Variants in MSRA observed in about 807,000 individuals in gnomAD.
The protein encoded by MSRA is methionine sulfoxide reductase A, also known as mitochondrial peptide methionine sulfoxide reductase.
A neutral mutation model predicts 31.3 loss-of-function variants in MSRA; 54 were observed. That is an observed-to-expected ratio of 1.73 (90% CI 1.39 to 2.17). The LOEUF (loss-of-function observed/expected upper bound fraction) is 2.17. MSRA is among the 30% of genes most tolerant of loss of function. The probability of loss-of-function intolerance (pLI) is 0.00; values close to 1 mark genes in which losing one functional copy is unlikely to be tolerated. For missense variants in MSRA, 507 were observed against 300.9 expected, an observed-to-expected ratio of 1.69 and a Z score of -5.07; for synonymous variants, 169 against 116.5, an observed-to-expected ratio of 1.45 and a Z score of -2.90.
intron 1 of MSRA, among the ~76,000 whole-genome samples, chr8:10,121,207 TGAGG>T (rs1417412975): frequency 2.0e-5 from 3 of 151,942 alleles, no homozygotes; most frequent in Admixed American, 2.0e-4. Flanking sequence ...AATTTTTCTG[TGAGG>T]GAGGAATGAG....
chr8:10,424,267 C>T (rs1484650567), intron 5 of MSRA, among the ~76,000 whole-genome samples: 2 of 152,010 alleles, frequency 1.3e-5, no homozygotes, highest in Non-Finnish European at 2.9e-5. Flanking sequence ...GAAAATAGTG[C>T]GCAGAGGGGA....
intron 3 of MSRA, among the ~76,000 whole-genome samples, chr8:10,268,810 T>A (rs1006862488): frequency 1.3e-5 from 2 of 152,266 alleles, no homozygotes; most frequent in African/African-American, 4.8e-5. Flanking sequence ...TCCACACACC[T>A]GGAGGAGCTA....
At chr8:10,054,689 G>C in intron 1 of MSRA, 31 bp downstream of exon 1, 1 of 1,485,426 alleles carries the variant, frequency 6.7e-7, no homozygotes, top group East Asian at 2.8e-5. Context: ...AGGCGCGGGC[G>C]GCGACGCTGC....
At chr8:10,108,256 C>T (rs556971099) in intron 1 of MSRA, among the ~76,000 whole-genome samples, 6 of 152,316 alleles carry the variant, frequency 3.9e-5, no homozygotes, top group African/African-American at 1.4e-4. Context: ...CCCATTGGTT[C>T]CATTTTCACT....
chr8:10,383,218 G>C (rs893556324), intron 5 of MSRA, among the ~76,000 whole-genome samples: 2 of 152,064 alleles, frequency 1.3e-5, no homozygotes, highest in African/African-American at 2.4e-5. Flanking sequence ...GCAATGTGCA[G>C]GCTTCCACAG....
At chr8:10,271,580 A>G (rs1418221536) in intron 3 of MSRA, among the ~76,000 whole-genome samples, 1 of 15,124 alleles carries the variant, frequency 6.6e-5, no homozygotes, top group Non-Finnish European at 1.7e-4. Context: ...CCGTAAATTC[A>G]ATTAAAAATT....
intron 3 of MSRA, among the ~76,000 whole-genome samples, chr8:10,247,090 G>A (rs755432909): frequency 3.3e-5 from 5 of 152,182 alleles, no homozygotes; most frequent in Middle Eastern, 3.2e-3. Flanking sequence ...TTGTTTGCTC[G>A]AACCCTTTTC....
chr8:10,108,571 G>A (rs1321789572), intron 1 of MSRA, among the ~76,000 whole-genome samples: 2 of 152,172 alleles, frequency 1.3e-5, no homozygotes, highest in Admixed American at 6.5e-5. Flanking sequence ...TTAAGGCACT[G>A]TCATATTATT....
At chr8:10,366,579 G>T (rs1259894885) in intron 5 of MSRA, among the ~76,000 whole-genome samples, 1 of 152,188 alleles carries the variant, frequency 6.6e-6, no homozygotes, top group African/African-American at 2.4e-5. Context: ...TTGGTTTTTG[G>T]CCAGAGAGTG....
intron 1 of MSRA, among the ~76,000 whole-genome samples, chr8:10,183,632 G>T (rs1806744085): frequency 6.6e-6 from 1 of 152,120 alleles, no homozygotes; most frequent in African/African-American, 2.4e-5. Flanking sequence ...CTGATCTCTG[G>T]CTAGGTTATT....
intron 2 of MSRA, among the ~76,000 whole-genome samples, chr8:10,211,677 C>G (rs966317438): frequency 2.6e-5 from 4 of 152,102 alleles, no homozygotes; most frequent in African/African-American, 9.7e-5. Flanking sequence ...CTGAGGCACC[C>G]AGAGATTAAA....
intron 3 of MSRA, among the ~76,000 whole-genome samples, chr8:10,276,835 C>T (rs1799346969): frequency 6.6e-6 from 1 of 151,122 alleles, no homozygotes; most frequent in Admixed American, 6.6e-5. Context: ...ACCCCACCTC[C>T]CCGAGGTCTA....
chr8:10,101,018 A>G (rs1799496692), intron 1 of MSRA, among the ~76,000 whole-genome samples: 1 of 152,210 alleles, frequency 6.6e-6, no homozygotes, highest in Non-Finnish European at 1.5e-5. Context: ...AAAAGATCAA[A>G]TTGTTCTCAA....
intron 3 of MSRA, among the ~76,000 whole-genome samples, chr8:10,260,645 G>A (rs975531357): frequency 5.3e-5 from 8 of 152,136 alleles, no homozygotes; most frequent in African/African-American, 1.9e-4. Flanking sequence ...GGCAGAGGTA[G>A]ACACAGGTGC....
chr8:10,267,959 G>A (rs923723946), intron 3 of MSRA, among the ~76,000 whole-genome samples: 4 of 152,176 alleles, frequency 2.6e-5, no homozygotes, highest in Non-Finnish European at 4.4e-5. Flanking sequence ...AGGCGGGGTT[G>A]CCACATTCAT....
intron 5 of MSRA, among the ~76,000 whole-genome samples, chr8:10,360,932 C>G (rs1237034822): frequency 6.6e-6 from 1 of 152,224 alleles, no homozygotes; most frequent in Admixed American, 6.5e-5. Flanking sequence ...CTGTGACTCC[C>G]AGTACCTTTA....
intron 5 of MSRA, among the ~76,000 whole-genome samples, chr8:10,382,274 C>A (rs951866681): frequency 6.6e-6 from 1 of 152,184 alleles, no homozygotes; most frequent in Non-Finnish European, 1.5e-5. Context: ...AGCCTTCAGG[C>A]TTGAAGATGG....
intron 3 of MSRA, among the ~76,000 whole-genome samples, chr8:10,266,234 C>A (rs2129096964): frequency 6.6e-6 from 1 of 152,344 alleles, no homozygotes; most frequent in Admixed American, 6.5e-5. Flanking sequence ...GTTCCAGTTT[C>A]TTCACTTGCT....
chr8:10,232,842 G>A (rs943850700), intron 2 of MSRA, among the ~76,000 whole-genome samples: 1 of 152,208 alleles, frequency 6.6e-6, no homozygotes, highest in Non-Finnish European at 1.5e-5. Context: ...ATTTTGTAAT[G>A]ATTGTGTCAA....
Sources: allele counts gnomAD v4.1 joint callset (sites outside exome capture counted in the v4.1 genomes callset), GRCh38; gene constraint gnomAD v4.1.1; transcripts MANE v1.5; gene names NCBI Gene and HGNC (gene_info 2026-07-23, HGNC 2026-07-21).